KANSL1L: variants seen among roughly 807,000 people sequenced by gnomAD.
The protein encoded by KANSL1L is KAT8 regulatory NSL complex subunit 1 like.
Under a neutral mutation model 108.6 loss-of-function variants are expected in KANSL1L, and 25 were observed. The ratio of observed to expected loss-of-function variants is 0.23; its 90% CI spans 0.17 to 0.32. KANSL1L has a LOEUF of 0.32. Among genes scored for constraint, KANSL1L ranks in the 10% least tolerant of loss-of-function variants. The pLI is 1.00. For synonymous variants in KANSL1L, 405 were observed against 395.1 expected (o/e 1.03, Z -0.30); for missense variants, 1,137 against 1,125.7 (o/e 1.01, Z -0.14).
chr2:210,064,463 T>C (rs900095477), intron 6 of KANSL1L: 1 of 152,102 alleles, frequency 6.6e-6, no homozygotes, highest in Non-Finnish European at 1.5e-5. Context: ...AAATAATTAT[T>C]CTAAATAATT....
At chr2:210,154,639 A>T in intron 1 of KANSL1L, 28 bp from the exon 2 acceptor site, 1 of 1,342,774 alleles carries the variant, frequency 7.4e-7, no homozygotes, top group Non-Finnish European at 9.7e-7. Context: ...TAAATGGTCA[A>T]ATATCTAGAA....
chr2:210,143,117 T>C (rs1559597959), intron 2 of KANSL1L, among the ~76,000 whole-genome samples: 1 of 152,150 alleles, frequency 6.6e-6, no homozygotes, highest in Non-Finnish European at 1.5e-5. Context: ...TATATTTAGA[T>C]TCTCTGATAT....
chr2:210,050,980 G>T (rs980014605), intron 6 of KANSL1L, among the ~76,000 whole-genome samples: 3 of 152,112 alleles, frequency 2.0e-5, no homozygotes, highest in Non-Finnish European at 4.4e-5. Flanking sequence ...CCTGCGACCA[G>T]CCCAAAGTGC....
intron 3 of KANSL1L, among the ~76,000 whole-genome samples, chr2:210,116,186 G>A (rs946682479): frequency 7.9e-5 from 12 of 152,188 alleles, no homozygotes; most frequent in African/African-American, 2.9e-4. Context: ...GGTGGCCATG[G>A]GAAGGGACTG....
intron 6 of KANSL1L, among the ~76,000 whole-genome samples, chr2:210,064,837 A>C (rs866841524): frequency 1.8e-4 from 27 of 150,508 alleles, no homozygotes; most frequent in South Asian, 4.2e-4. Flanking sequence ...AAAAAAAAAA[A>C]ACACAGGAAA....
chr2:210,123,159 C>G (rs1277915968), intron 3 of KANSL1L, among the ~76,000 whole-genome samples: 1 of 152,068 alleles, frequency 6.6e-6, no homozygotes, highest in Non-Finnish European at 1.5e-5. Flanking sequence ...TAGAACTATC[C>G]TATGATCCAA....
chr2:210,067,349 T>C (rs2094473615), intron 6 of KANSL1L, among the ~76,000 whole-genome samples: 1 of 152,160 alleles, frequency 6.6e-6, no homozygotes, highest in Non-Finnish European at 1.5e-5. Flanking sequence ...TGTGTGTATA[T>C]GTATTCATTA....
In KANSL1L at chr2:210,023,194, A is replaced by T. The variant is rs1285079469; in HGVS notation, c.2734-15T>A. ...CACCACAAAGACTGAAAGGGGAAAAATTTTCAGTTAAGTTTCAACTAACTT... is the reference window on the plus strand; with the variant it reads ...CACCACAAAGACTGAAAGGGGAAAATTTTTCAGTTAAGTTTCAACTAACTT... On this transcript the variant is annotated splice_polypyrimidine_tract_variant and intron_variant, in intron 14 of 14. Coordinates refer to ENST00000281772, the MANE Select transcript of KANSL1L (RefSeq NM_152519.4). 1.3e-6 allele frequency: 2 copies of T among 1,596,118 alleles called. No individual in the cohort carries two copies. Among genetic ancestry groups the T allele is most frequent in the East Asian group, 2.2e-5 (1 of 44,766 alleles).
At chr2:210,150,585 C>T (rs1205707348) in intron 2 of KANSL1L, among the ~76,000 whole-genome samples, 1 of 151,908 alleles carries the variant, frequency 6.6e-6, no homozygotes, top group African/African-American at 2.4e-5. Context: ...GAGCTTGAGA[C>T]CAGCTTGACC....
chr2:210,081,771 C>T (rs1267751715), intron 5 of KANSL1L, among the ~76,000 whole-genome samples: 2 of 152,168 alleles, frequency 1.3e-5, no homozygotes, highest in Non-Finnish European at 2.9e-5. Flanking sequence ...ACACACACTA[C>T]ACCTAAATAA....
At chr2:210,120,984 A>C (rs2095013367) in intron 3 of KANSL1L, among the ~76,000 whole-genome samples, 1 of 152,212 alleles carries the variant, frequency 6.6e-6, no homozygotes, top group Non-Finnish European at 1.5e-5. Context: ...ACTATTAAAA[A>C]GTCAAAAAAT....
intron 2 of KANSL1L, among the ~76,000 whole-genome samples, chr2:210,150,341 AT>A (rs1162282298): frequency 1.4e-4 from 22 of 152,078 alleles, no homozygotes; most frequent in Admixed American, 3.3e-4. Flanking sequence ...GTAAAAAAAA[AT>A]TTTTTTTCTA....
intron 1 of KANSL1L, among the ~76,000 whole-genome samples, chr2:210,168,673 G>A (rs1263125702): frequency 6.6e-6 from 1 of 152,068 alleles, no homozygotes; most frequent in Non-Finnish European, 1.5e-5. Context: ...CAGCAGTTGG[G>A]CTATGAGAAG....
chr2:210,044,475 C>T lies in KANSL1L; in HGVS notation c.1756-371G>A, dbSNP rs1332152369. On this transcript the variant is annotated intron_variant, in intron 6 of 14. Transcript: ENST00000281772. The surrounding 1 kb of genome is among the most constrained non-coding windows in gnomAD (Gnocchi z 4.2). ...GAGTTCCAACCATGCTGGATGGGTT[C>T]ACCAATTCAATAATGAATAAAAATG... Among the ~76,000 whole-genome samples the T allele has an allele frequency of 6.6e-6, 1 of 151,248 alleles. No individual in the cohort carries two copies. Among genetic ancestry groups the T allele is most frequent in the Non-Finnish European group, 1.5e-5 (1 of 67,914 alleles).
intron 5 of KANSL1L, 67 bp from the exon 6 acceptor site, chr2:210,075,823 C>A: frequency 8.5e-7 from 1 of 1,182,652 alleles, no homozygotes; most frequent in South Asian, 1.4e-5. Context: ...ACAAAAAAGA[C>A]AAAGAAAACT....
intron 2 of KANSL1L, among the ~76,000 whole-genome samples, chr2:210,139,498 T>A (rs1438341528): frequency 6.6e-6 from 1 of 152,224 alleles, no homozygotes; most frequent in Non-Finnish European, 1.5e-5. Flanking sequence ...TTTTCTGTAA[T>A]ATCTGTGCTT....
At position 210,075,527 on chromosome 2, in the gene KANSL1L, GT is replaced by G. The variant is rs769897840; in HGVS notation, c.1755+24del. On this transcript the variant is annotated intron_variant, in intron 6 of 14. Coordinates refer to ENST00000281772, the MANE Select transcript of KANSL1L (RefSeq NM_152519.4). ...ATGCTGATGGTGAATCTTTGATCAT[GT>G]TTTCTTCCCAAAGGCAGCCTTACCT... 5.3e-6 allele frequency: 8 copies of G among 1,497,376 alleles called. No homozygotes were observed. The South Asian group carries it at 6.8e-5, about 13-fold the overall frequency. 92.8% of individuals were successfully genotyped at this position (1,497,376 alleles called of 1,614,324 possible).
intron 3 of KANSL1L, among the ~76,000 whole-genome samples, chr2:210,124,150 A>G (rs1158401501): frequency 6.6e-6 from 1 of 152,200 alleles, no homozygotes; most frequent in Non-Finnish European, 1.5e-5. Context: ...ACAATAAACC[A>G]ACTAGATTTA....
intron 1 of KANSL1L, among the ~76,000 whole-genome samples, chr2:210,159,734 G>C (rs1206713446): frequency 6.6e-6 from 1 of 152,176 alleles, no homozygotes; most frequent in Admixed American, 6.5e-5. Context: ...CTTATTTCAT[G>C]AACACAAGAC....
Sources: allele counts gnomAD v4.1 joint callset (sites outside exome capture counted in the v4.1 genomes callset), GRCh38; gene constraint gnomAD v4.1.1; non-coding constraint Gnocchi (gnomAD v3.1); transcripts MANE v1.5; gene names NCBI Gene and HGNC (gene_info 2026-07-23, HGNC 2026-07-21).